Variants in GNAS observed in about 807,000 individuals in gnomAD.
GNAS encodes protein ALEX.
A neutral mutation model predicts 54.5 loss-of-function variants in GNAS; 8 were observed. The observed-to-expected ratio is 0.15, with a 90% CI of 0.09 to 0.26. The LOEUF (loss-of-function observed/expected upper bound fraction) is 0.26. GNAS is among the 10% of genes least tolerant of loss of function. The pLI, the probability that GNAS is intolerant of heterozygous loss-of-function variation, is 1.00. For missense variants in GNAS, 170 were observed against 529.8 expected (o/e 0.32, Z 6.67); for synonymous variants, 204 against 191.4 (o/e 1.07, Z -0.54).
rs368308093 is a variant in GNAS, at chr20:58,909,832, C to T, written c.839+28C>T. ...TTGTGGAGTGACCGCCCACCCCCTGCGCTTGCCCAGGAGGCCCTGGTCTGC... is the reference window on the plus strand; with the variant it reads ...TTGTGGAGTGACCGCCCACCCCCTGTGCTTGCCCAGGAGGCCCTGGTCTGC... On this transcript the variant is annotated intron_variant, in intron 10 of 12. Coordinates refer to ENST00000371085, the MANE Select transcript of GNAS (RefSeq NM_000516.7). The surrounding 1 kb of genome is among the most constrained non-coding windows in gnomAD (Gnocchi z 7.3). The T allele has an allele frequency of 1.4e-5, 23 of 1,612,536 alleles. No homozygotes were observed. The African/African-American group carries it at 1.7e-4, about 12-fold the overall frequency.
At chr20:58,855,441 C>T in intron 1 of GNAS, 1 of 1,002,570 alleles carries the variant, frequency 1.0e-6, no homozygotes, top group East Asian at 2.6e-5. Flanking sequence ...AGGAGGGGGT[C>T]CAGCCAAAGG....
chr20:58,839,795 T>C, upstream of GNAS: 1 of 576,994 alleles, frequency 1.7e-6, no homozygotes, highest in Non-Finnish European at 3.1e-6. Context: ...GAGGCACCTC[T>C]CTCGAGTCTT....
intron 1 of GNAS, among the ~76,000 whole-genome samples, chr20:58,878,908 C>T (rs956195057): frequency 0.036 from 69 of 1,906 alleles, no homozygotes; most frequent in African/African-American, 0.096. Context: ...GGTGGGGGTG[C>T]GGGTGGGGGG....
rs1465902102 is a variant in GNAS at position 58,891,481 on chromosome 20, C to T, written c.-246C>T. 27 of 947,152 alleles carry T rather than the reference C, an allele frequency of 2.9e-5. No homozygotes were observed. Among genetic ancestry groups the T allele is most frequent in the Non-Finnish European group, 3.3e-5 (26 of 797,398 alleles). The allele number at this position is 947,152 out of a possible 1,614,324, so 58.7% of individuals were successfully genotyped here. ...GCCCGGCGGCGGCCATCAGCCCCCT[C>T]GGCCTCGGCTCGAGGGGCGGGGAGC... On this transcript the variant is annotated 5_prime_UTR_variant, in exon 1 of 13. Transcript: ENST00000371085.
At chr20:58,854,541 G>GCCC in intron 1 of GNAS, 1 of 1,563,338 alleles carries the variant, frequency 6.4e-7, no homozygotes, top group Admixed American at 1.8e-5. Context: ...CGGGGCATTC[G>GCCC]CAGCCGATCC....
intron 6 of GNAS, among the ~76,000 whole-genome samples, chr20:58,905,684 C>T (rs932790054): frequency 1.1e-4 from 17 of 152,008 alleles, no homozygotes; most frequent in African/African-American, 1.4e-4. Flanking sequence ...TTTAGTGCAG[C>T]GACATTATTT....
upstream of GNAS, chr20:58,888,736 C>A (rs1238240151): frequency 6.6e-6 from 1 of 152,054 alleles, no homozygotes; most frequent in African/African-American, 2.4e-5. Flanking sequence ...TCCGTCCGGG[C>A]GTCGCAAATA....
upstream of GNAS, among the ~76,000 whole-genome samples, chr20:58,890,347 G>A (rs967753432): frequency 3.3e-5 from 5 of 151,346 alleles, no homozygotes; most frequent in Admixed American, 2.0e-4. Context: ...GGGGGCACGA[G>A]TAGGGCCTGG....
chr20:58,842,743 A>G lies in GNAS; in HGVS notation c.43+1857A>G, dbSNP rs952341907. On this transcript the variant is annotated intron_variant, in intron 1 of 12. Transcript: ENST00000306090. Reference sequence around the variant, plus strand: ...TTAAGTGTTCAGTTTTTCCTCTGGTAATGTCTCAGCCTGAGTTCACCAAGC... The same window carrying G: ...TTAAGTGTTCAGTTTTTCCTCTGGTGATGTCTCAGCCTGAGTTCACCAAGC... Among the ~76,000 whole-genome samples the G allele has an allele frequency of 6.6e-5, 10 of 152,306 alleles. 1 individual carries two copies. In the South Asian group the frequency reaches 1.9e-3, roughly 28 times the overall value.
At chr20:58,840,169 C>T (rs772759887), upstream of GNAS, 1 of 1,611,660 alleles carries the variant, frequency 6.2e-7, no homozygotes, top group South Asian at 1.1e-5. This position sits in a 1 kb window ranked among gnomAD's most constrained non-coding sequence, Gnocchi z 6.0. Context: ...ACGACCTGTG[C>T]CCGCCCATAG....
intron 3 of GNAS, chr20:58,899,605 A>AT (rs2146091250): frequency 1.7e-6 from 1 of 580,872 alleles, no homozygotes; most frequent in Admixed American, 2.4e-5. Flanking sequence ...TTTTCCATTC[A>AT]TTATCAAATT....
chr20:58,851,567 C>T (rs2086176398), intron 1 of GNAS, among the ~76,000 whole-genome samples: 1 of 152,206 alleles, frequency 6.6e-6, no homozygotes, highest in Non-Finnish European at 1.5e-5. Context: ...AGCAGCTTTT[C>T]TCCCGGGTTC....
At chr20:58,899,686 CACAG>C (rs751466136) in intron 3 of GNAS, among the ~76,000 whole-genome samples, 10 of 151,686 alleles carry the variant, frequency 6.6e-5, no homozygotes, top group Non-Finnish European at 1.2e-4. Context: ...CACATGCATA[CACAG>C]ACACGCACAC....
rs2145475534 is a variant in GNAS at position 58,841,086 on chromosome 20, A to G, written c.43+200A>G. On this transcript the variant is annotated intron_variant, in intron 1 of 12. Transcript: ENST00000306090. This position sits in a 1 kb window ranked among gnomAD's most constrained non-coding sequence, Gnocchi z 5.0. ...GGATGCCAGGGGCGCCCTGGTGGCC[A>G]AAGGCTTGTTGGACGGCGGGGCGCA... is the stretch of plus-strand genomic sequence containing the variant. Among the ~76,000 whole-genome samples, 1 of 152,142 alleles carries G rather than the reference A, an allele frequency of 6.6e-6. No homozygotes were observed. The highest frequency in any genetic ancestry group is 2.4e-5 in the African/African-American group (1 of 41,524).
At chr20:58,855,563 T>C (rs1256274704) in intron 1 of GNAS, 1 of 718,058 alleles carries the variant, frequency 1.4e-6, no homozygotes, top group Non-Finnish European at 2.6e-6. Context: ...GGGAGAAAAG[T>C]GGTGCCGAGC....
At chr20:58,889,890 A>T (rs1047453207), upstream of GNAS, among the ~76,000 whole-genome samples, 47 of 151,536 alleles carry the variant, frequency 3.1e-4, no homozygotes, top group Non-Finnish European at 5.8e-4. Context: ...CATGCTGAAG[A>T]TGGCCATGAA....
intron 1 of GNAS, 23 bp from the exon 2 acceptor site, chr20:58,895,589 T>A (rs370670390): frequency 6.7e-7 from 1 of 1,496,254 alleles, no homozygotes; most frequent in African/African-American, 1.4e-5. Context: ...CTTCATAACC[T>A]GAGACTTACT....
intron 5 of GNAS, among the ~76,000 whole-genome samples, chr20:58,905,055 C>T (rs889928813): frequency 9.8e-5 from 15 of 152,304 alleles, no homozygotes; most frequent in African/African-American, 3.6e-4. Flanking sequence ...TATTCTAACA[C>T]ATTTAGTGTA....
chr20:58,909,087 TGTA>T lies in GNAS; in HGVS notation c.531-73_531-71del. The stretch of plus-strand genomic sequence containing the variant: ...CGGTCACTTCCGTTGAGCCTGACCT[TGTA>T]GAGAGACACAAATAGTTGGCAAATT... On this transcript the variant is annotated intron_variant, in intron 6 of 12. Coordinates refer to ENST00000371085, the MANE Select transcript of GNAS (RefSeq NM_000516.7). This position sits in a 1 kb window ranked among gnomAD's most constrained non-coding sequence, Gnocchi z 7.3. The T allele has an allele frequency of 7.9e-7, 1 of 1,260,068 alleles. No individual in the cohort carries two copies. The highest frequency in any genetic ancestry group is 1.7e-5 in the Admixed American group (1 of 59,632). The allele number at this position is 1,260,068 out of a possible 1,614,324, so 78.1% of individuals were successfully genotyped here.
Sources: allele counts gnomAD v4.1 joint callset (sites outside exome capture counted in the v4.1 genomes callset), GRCh38; gene constraint gnomAD v4.1.1; non-coding constraint Gnocchi (gnomAD v3.1); transcripts MANE v1.5; gene names NCBI Gene and HGNC (gene_info 2026-07-23, HGNC 2026-07-21).